The following ZNF33A variants were observed in gnomAD, a reference collection of about 807,000 sequenced individuals.
ZNF33A encodes zinc finger protein 33A, also known as brain my041 protein.
In ZNF33A, 9 loss-of-function variants were observed where a neutral mutation model predicts 15.9. The ratio of observed to expected loss-of-function variants is 0.57; its 90% CI spans 0.34 to 0.99. The LOEUF (loss-of-function observed/expected upper bound fraction) is 0.99, where lower values mean the gene tolerates loss of function less well. ZNF33A is among the 50% of genes least tolerant of loss of function. The probability of loss-of-function intolerance (pLI) is 0.02; values close to 1 mark genes in which losing one functional copy is unlikely to be tolerated. For synonymous variants in ZNF33A, 294 were observed against 324.2 expected (o/e 0.91, Z 1.00); for missense variants, 843 against 941.6 (o/e 0.90, Z 1.37).
At chr10:38,023,262 A>T (rs188983703) in intron 4 of ZNF33A, among the ~76,000 whole-genome samples, 4 of 152,304 alleles carry the variant, frequency 2.6e-5, no homozygotes, top group Admixed American at 2.6e-4. Flanking sequence ...ACATTTCTTA[A>T]CACATTTAAA....
In ZNF33A at chr10:38,059,958, A is replaced by G. The variant is rs983902855; in HGVS notation, c.*3398A>G. The stretch of plus-strand genomic sequence containing the variant: ...GTGGAAGATGGGAGGGGAAAGGGTT[A>G]TATGAGAATTCTCTATACTTTTTGC... On this transcript the variant is annotated 3_prime_UTR_variant, in exon 5 of 5. Transcript: ENST00000432900. 5.4e-5 allele frequency: 27 copies of G among 504,454 alleles called. No individual in the cohort carries two copies. Among genetic ancestry groups the G allele is most frequent in the African/African-American group, 1.5e-4 (7 of 48,106 alleles). The allele number at this position is 504,454 out of a possible 1,614,324, so 31.2% of individuals were successfully genotyped here. A position where few individuals can be genotyped will look rare whatever the true frequency, so the allele number is the denominator to read the frequency against.
chr10:38,012,472 C>A lies in ZNF33A; in HGVS notation c.9+122C>A, dbSNP rs1291593028. 5.8e-6 allele frequency: 7 copies of A among 1,205,248 alleles called. No individual in the cohort carries two copies. The Admixed American group carries it at 1.4e-4, about 25-fold the overall frequency. The allele number at this position is 1,205,248 out of a possible 1,614,324, so 74.7% of individuals were successfully genotyped here. ...TGTGAGACGGAGTCTCACTCTGTCA[C>A]CCAGGCTGGAGTACAATGTCCCCAT... On this transcript the variant is annotated intron_variant, in intron 2 of 4. Transcript: ENST00000432900.
chr10:38,025,929 T>G (rs2064966316), intron 4 of ZNF33A, among the ~76,000 whole-genome samples: 1 of 152,208 alleles, frequency 6.6e-6, no homozygotes, highest in African/African-American at 2.4e-5. Context: ...CAGTAACTAC[T>G]CATTCCCCCC....
intron 4 of ZNF33A, among the ~76,000 whole-genome samples, chr10:38,020,642 G>A (rs561309576): frequency 1.3e-5 from 2 of 152,284 alleles, no homozygotes; most frequent in African/African-American, 4.8e-5. Context: ...TTTCCGTCTA[G>A]GTTGTTGCAT....
At chr10:38,025,843 C>T (rs1390844788) in intron 4 of ZNF33A, among the ~76,000 whole-genome samples, 1 of 152,220 alleles carries the variant, frequency 6.6e-6, no homozygotes, top group Non-Finnish European at 1.5e-5. Flanking sequence ...GCATTACACT[C>T]ACAATGTTGT....
intron 4 of ZNF33A, among the ~76,000 whole-genome samples, chr10:38,042,875 C>T (rs1317042898): frequency 6.6e-6 from 1 of 152,100 alleles, no homozygotes; most frequent in Non-Finnish European, 1.5e-5. Flanking sequence ...AAATACATTG[C>T]ATTTTTATAT....
Position 38,055,342 on chromosome 10 carries a change from A to T in ZNF33A, c.1218A>T (p.Thr406=). The T allele has an allele frequency of 6.2e-7, 1 of 1,614,080 alleles. No homozygotes were observed. Among genetic ancestry groups the T allele is most frequent in the Non-Finnish European group, 8.5e-7 (1 of 1,179,984 alleles). Residue 406 remains threonine, a synonymous_variant, in exon 5 of 5, where the codon ACA becomes ACT. Transcript: ENST00000432900. ...HKSALTLHQR[T]HTGEKPYQCN... is the part of the protein sequence containing the mutation. Reference sequence around the variant, plus strand: ...CAGCCCTCACATTACACCAGAGAACACATACAGGGGAGAAACCCTATCAAT... The same window carrying T: ...CAGCCCTCACATTACACCAGAGAACTCATACAGGGGAGAAACCCTATCAAT...
At chr10:38,041,335 T>C (rs1442442785) in intron 4 of ZNF33A, among the ~76,000 whole-genome samples, 2 of 151,588 alleles carry the variant, frequency 1.3e-5, no homozygotes, top group Non-Finnish European at 2.9e-5. Flanking sequence ...ATGAAATTAA[T>C]ATATTTTAGT....
intron 2 of ZNF33A, among the ~76,000 whole-genome samples, chr10:38,013,615 T>C (rs1188025384): frequency 4.0e-5 from 6 of 149,708 alleles, no homozygotes; most frequent in African/African-American, 1.2e-4. Context: ...CGCACCACCA[T>C]ACCCAGCTAA....
At chr10:38,011,044 C>T (rs567485067) in intron 1 of ZNF33A, among the ~76,000 whole-genome samples, 4 of 152,186 alleles carry the variant, frequency 2.6e-5, no homozygotes, top group East Asian at 2.0e-4. Flanking sequence ...TTGCGCAGTC[C>T]GCGCGCTGAG....
intron 4 of ZNF33A, among the ~76,000 whole-genome samples, chr10:38,033,858 G>T (rs2065325413): frequency 6.6e-6 from 1 of 151,882 alleles, no homozygotes; most frequent in Non-Finnish European, 1.5e-5. Flanking sequence ...GATTACAGGT[G>T]CCCACCACCA....
chr10:38,050,152 T>G (rs932882515), intron 4 of ZNF33A, among the ~76,000 whole-genome samples: 6 of 152,114 alleles, frequency 3.9e-5, no homozygotes, highest in Admixed American at 3.9e-4. Flanking sequence ...CCTAAATCAT[T>G]CTTTGAGTCC....
intron 4 of ZNF33A, among the ~76,000 whole-genome samples, chr10:38,045,358 G>C (rs1019290832): frequency 1.3e-5 from 2 of 152,112 alleles, no homozygotes; most frequent in African/African-American, 4.8e-5. Flanking sequence ...TGCTGTGTTA[G>C]CCTGTCTGCC....
downstream of ZNF33A, among the ~76,000 whole-genome samples, chr10:38,063,088 C>T (rs2066674265): frequency 6.7e-6 from 1 of 148,860 alleles, no homozygotes; most frequent in Admixed American, 6.7e-5. Context: ...TTGGAGTATG[C>T]ACACTCTAAA....
downstream of ZNF33A, among the ~76,000 whole-genome samples, chr10:38,062,707 C>G (rs1396782703): frequency 1.3e-5 from 2 of 151,846 alleles, no homozygotes; most frequent in Non-Finnish European, 2.9e-5. Context: ...GACTCTGTCT[C>G]TTTAAAAAAC....
At chr10:38,030,155 G>A (rs2065151373) in intron 4 of ZNF33A, among the ~76,000 whole-genome samples, 1 of 152,150 alleles carries the variant, frequency 6.6e-6, no homozygotes, top group Admixed American at 6.5e-5. Context: ...GTTTTTGATG[G>A]CATGTAAAAT....
intron 4 of ZNF33A, among the ~76,000 whole-genome samples, chr10:38,028,708 T>C (rs1237836710): frequency 6.6e-6 from 1 of 152,178 alleles, no homozygotes; most frequent in Admixed American, 6.5e-5. Flanking sequence ...CCTCAAGTGA[T>C]CCACCCATCT....
At chr10:38,061,777 A>G (rs112411983), downstream of ZNF33A, among the ~76,000 whole-genome samples, 1,685 of 152,196 alleles carry the variant, frequency 0.011, 40 homozygotes, top group African/African-American at 0.038. Context: ...CCTGGCCAAC[A>G]TGGTGAAACC....
Position 38,057,429 on chromosome 10 carries a change from A to G in ZNF33A, c.*869A>G. The G allele has an allele frequency of 1.0e-6, 1 of 985,456 alleles. No individual in the cohort carries two copies. Among genetic ancestry groups the G allele is most frequent in the Non-Finnish European group, 1.2e-6 (1 of 829,926 alleles). 61.0% of individuals were successfully genotyped at this position (985,456 alleles called of 1,614,324 possible). ...TGAAGTTCAAAAGACTTATATATGT[A>G]TAAGTGGTATGTGATATAAATCGTG... On this transcript the variant is annotated 3_prime_UTR_variant, in exon 5 of 5. Coordinates refer to ENST00000432900, the MANE Select transcript of ZNF33A (RefSeq NM_006954.2).
Sources: gnomAD v4.1 joint callset for allele counts (sites outside exome capture counted in the v4.1 genomes callset) on GRCh38, gnomAD v4.1.1 for gene constraint, MANE v1.5 for transcripts, NCBI Gene and HGNC (gene_info 2026-07-23, HGNC 2026-07-21) for gene names.